CSMD3: variants seen among roughly 807,000 people sequenced by gnomAD.
CSMD3 encodes CUB and Sushi multiple domains 3.
In CSMD3, 177 loss-of-function variants were observed where a neutral mutation model predicts 435.2. That is an observed-to-expected ratio of 0.41 (90% CI 0.36 to 0.46). The LOEUF is 0.46. Ranked by LOEUF, CSMD3 falls within the 20% of genes least tolerant of loss-of-function variation. The pLI, the probability that CSMD3 is intolerant of heterozygous loss-of-function variation, is 0.34. For missense variants in CSMD3, 4,265 were observed against 4,504.6 expected (o/e 0.95, Z 1.52); for synonymous variants, 1,656 against 1,520.5 (o/e 1.09, Z -2.07).
rs570155225 is a variant in CSMD3, at chr8:113,014,002, G to T, written c.1030+5065C>A. Among the ~76,000 whole-genome samples the T allele has an allele frequency of 6.6e-5, 10 of 152,204 alleles. No homozygotes were observed. In the South Asian group the frequency reaches 2.1e-3, roughly 32 times the overall value. ...TCTGGTGCAGAACATAGATTGCAAG[G>T]TTGTTGATTTTTCTGCAACAGCTTT... On this transcript the variant is annotated intron_variant, in intron 6 of 70. Coordinates refer to ENST00000297405, the MANE Select transcript of CSMD3 (RefSeq NM_198123.2).
chr8:112,305,105 G>T (rs1048602204), intron 51 of CSMD3, among the ~76,000 whole-genome samples, 190 bp from the exon 52 acceptor site: 10 of 152,004 alleles, frequency 6.6e-5, no homozygotes, highest in African/African-American at 2.2e-4. Flanking sequence ...CTGGCAGTCT[G>T]GAACACACTC....
chr8:113,315,541 CT>C (rs1451940402), intron 1 of CSMD3, among the ~76,000 whole-genome samples: 1 of 150,736 alleles, frequency 6.6e-6, no homozygotes, highest in Non-Finnish European at 1.5e-5. Flanking sequence ...ACCTAGAAAA[CT>C]TACTATATTT....
intron 60 of CSMD3, among the ~76,000 whole-genome samples, chr8:112,264,258 G>A (rs1177014509): frequency 6.6e-6 from 1 of 152,086 alleles, no homozygotes; most frequent in Non-Finnish European, 1.5e-5. Flanking sequence ...GAAAACACAG[G>A]TCATATGTCT....
intron 63 of CSMD3, among the ~76,000 whole-genome samples, chr8:112,253,663 T>C (rs141562213): frequency 1.3e-5 from 2 of 152,014 alleles, no homozygotes; most frequent in African/African-American, 2.4e-5. Context: ...AAAATCTAAA[T>C]TGGAAAAAGA....
chr8:113,394,410 A>G (rs1396981921), intron 1 of CSMD3, among the ~76,000 whole-genome samples: 1 of 152,170 alleles, frequency 6.6e-6, no homozygotes, highest in Non-Finnish European at 1.5e-5. Flanking sequence ...CAAAATTTAG[A>G]AAATACCAAG....
At chr8:112,519,378 T>C (rs1824042329) in intron 27 of CSMD3, among the ~76,000 whole-genome samples, 1 of 152,134 alleles carries the variant, frequency 6.6e-6, no homozygotes, top group African/African-American at 2.4e-5. Flanking sequence ...TGTTATAACA[T>C]CAAAATATAA....
At chr8:113,293,046 T>C (rs1010536700) in intron 2 of CSMD3, among the ~76,000 whole-genome samples, 2 of 151,880 alleles carry the variant, frequency 1.3e-5, no homozygotes, top group Non-Finnish European at 2.9e-5. Flanking sequence ...CAATGTTAAA[T>C]CATTGCAACC....
chr8:113,352,731 G>A (rs1284864575), intron 1 of CSMD3, among the ~76,000 whole-genome samples: 1 of 152,170 alleles, frequency 6.6e-6, no homozygotes, highest in Non-Finnish European at 1.5e-5. Flanking sequence ...AAGTTTGCAA[G>A]AGAGAAAGGA....
At chr8:112,600,820 G>C (rs1379987148) in intron 22 of CSMD3, among the ~76,000 whole-genome samples, 1 of 151,812 alleles carries the variant, frequency 6.6e-6, no homozygotes, top group Non-Finnish European at 1.5e-5. Flanking sequence ...TGGGACTACA[G>C]GCGCCCGCCA....
At chr8:112,929,958 T>A (rs2083053042) in intron 9 of CSMD3, among the ~76,000 whole-genome samples, 1 of 152,156 alleles carries the variant, frequency 6.6e-6, no homozygotes, top group African/African-American at 2.4e-5. Context: ...TGGGATCATT[T>A]TTGTTGGTAT....
At chr8:113,364,481 C>T (rs1386345859) in intron 1 of CSMD3, among the ~76,000 whole-genome samples, 1 of 151,870 alleles carries the variant, frequency 6.6e-6, no homozygotes, top group Non-Finnish European at 1.5e-5. Flanking sequence ...ACATGTACTT[C>T]GATTTCAACA....
At chr8:113,221,444 T>C (rs895338729) in intron 3 of CSMD3, among the ~76,000 whole-genome samples, 1 of 150,876 alleles carries the variant, frequency 6.6e-6, no homozygotes, top group African/African-American at 2.4e-5. Context: ...AATAGGTCAA[T>C]CTGAGTAAAG....
intron 3 of CSMD3, among the ~76,000 whole-genome samples, chr8:113,220,168 G>GATT (rs2092950483): frequency 6.6e-6 from 1 of 151,380 alleles, no homozygotes; most frequent in African/African-American, 2.4e-5. Context: ...TGCAGGTGAA[G>GATT]ATTACAGAAG....
At chr8:112,933,349 A>G (rs2083177462) in intron 9 of CSMD3, among the ~76,000 whole-genome samples, 2 of 152,202 alleles carry the variant, frequency 1.3e-5, no homozygotes, top group Admixed American at 1.3e-4. Flanking sequence ...CCAGTTTGTA[A>G]TATGAGCTGG....
At chr8:112,718,644 T>C (rs570438257) in intron 13 of CSMD3, among the ~76,000 whole-genome samples, 1 of 152,202 alleles carries the variant, frequency 6.6e-6, no homozygotes, top group African/African-American at 2.4e-5. Flanking sequence ...TACTTCACCT[T>C]GAATATTCCT....
intron 32 of CSMD3, among the ~76,000 whole-genome samples, chr8:112,438,589 T>C (rs1350529216): frequency 2.6e-5 from 4 of 152,054 alleles, no homozygotes; most frequent in Admixed American, 2.6e-4. Flanking sequence ...TTAAAAAAAA[T>C]AGTAAACCAA....
intron 66 of CSMD3, among the ~76,000 whole-genome samples, chr8:112,240,906 G>C (rs997552409): frequency 6.6e-6 from 1 of 151,992 alleles, no homozygotes; most frequent in South Asian, 2.1e-4. Context: ...TCGCATCCAT[G>C]TAAGACAGGA....
Position 113,019,568 on chromosome 8 carries a change from T to C in CSMD3, c.918-389A>G, listed in dbSNP as rs560614666. On this transcript the variant is annotated intron_variant, in intron 5 of 70. Transcript: ENST00000297405. ...TATATCTTATTTATTATTTATTATA[T>C]ATATTGTATTCTTATTGTTAATAAT... Among the ~76,000 whole-genome samples the C allele has an allele frequency of 1.9e-3, 288 of 149,076 alleles. 1 individual carries two copies. Among genetic ancestry groups the C allele is most frequent in the African/African-American group, 6.7e-3 (275 of 41,042 alleles).
At chr8:113,250,094 A>C (rs2093320622) in intron 3 of CSMD3, among the ~76,000 whole-genome samples, 1 of 152,140 alleles carries the variant, frequency 6.6e-6, no homozygotes, top group Admixed American at 6.6e-5. Flanking sequence ...AGAAGAAAAC[A>C]AAACAGACAC....
Sources: gnomAD v4.1 joint callset for allele counts (sites outside exome capture counted in the v4.1 genomes callset) on GRCh38, gnomAD v4.1.1 for gene constraint, MANE v1.5 for transcripts, NCBI Gene and HGNC (gene_info 2026-07-23, HGNC 2026-07-21) for gene names.